Variants in ST7 observed in about 807,000 individuals in gnomAD.
The protein encoded by ST7 is suppression of tumorigenicity 7.
ST7 carries 28 observed loss-of-function variants against 78.7 expected under a neutral mutation model. The observed-to-expected ratio is 0.36, with a 90% CI of 0.26 to 0.49. The LOEUF is 0.49. ST7 is among the 20% of genes least tolerant of loss of function. The pLI is 0.99. For missense variants in ST7, 418 were observed against 696.0 expected, an observed-to-expected ratio of 0.60 and a Z score of 4.49; for synonymous variants, 247 against 249.6, an observed-to-expected ratio of 0.99 and a Z score of 0.10.
intron 9 of ST7, among the ~76,000 whole-genome samples, chr7:117,169,859 A>C: frequency 8.8e-6 from 1 of 114,280 alleles, no homozygotes; most frequent in Non-Finnish European, 1.7e-5. Context: ...GCTGTTTTTC[A>C]CTTTCACCCC....
At chr7:116,984,439 C>T (rs1341402457) in intron 1 of ST7, among the ~76,000 whole-genome samples, 1 of 152,160 alleles carries the variant, frequency 6.6e-6, no homozygotes, top group Non-Finnish European at 1.5e-5. Flanking sequence ...GCGCATCTCT[C>T]TTTTCCATGT....
At chr7:117,224,960 G>A (rs1343123542) in intron 15 of ST7, among the ~76,000 whole-genome samples, 1 of 152,168 alleles carries the variant, frequency 6.6e-6, no homozygotes, top group Non-Finnish European at 1.5e-5. Context: ...ACTGAGGCCT[G>A]TCCCCACAAC....
intron 15 of ST7, among the ~76,000 whole-genome samples, chr7:117,227,463 T>A (rs926104456): frequency 6.6e-6 from 1 of 152,356 alleles, no homozygotes; most frequent in East Asian, 1.9e-4. Context: ...CTTTAACTCC[T>A]CTTTATGAAG....
At chr7:117,085,055 A>G (rs1053197881) in intron 1 of ST7, among the ~76,000 whole-genome samples, 9 of 152,192 alleles carry the variant, frequency 5.9e-5, no homozygotes. Flanking sequence ...AAAGGAAAAT[A>G]AGAGGCAAAT....
intron 9 of ST7, among the ~76,000 whole-genome samples, chr7:117,164,802 G>A (rs189058157): frequency 1.5e-5 from 2 of 135,436 alleles, no homozygotes; most frequent in East Asian, 2.4e-4. Flanking sequence ...CATAATCCCA[G>A]CACTAACTTG....
At chr7:117,149,281 C>A (rs761683811) in intron 9 of ST7, among the ~76,000 whole-genome samples, 5 of 152,272 alleles carry the variant, frequency 3.3e-5, no homozygotes, top group Admixed American at 2.6e-4. Flanking sequence ...CCAGTAAAAT[C>A]ATTACTGCCT....
At chr7:117,001,745 G>A (rs1304202191) in intron 1 of ST7, among the ~76,000 whole-genome samples, 1 of 151,638 alleles carries the variant, frequency 6.6e-6, no homozygotes, top group Admixed American at 6.6e-5. Flanking sequence ...CATTACAGGG[G>A]GTATATTTAA....
chr7:117,004,800 A>G (rs1360267112), intron 1 of ST7, among the ~76,000 whole-genome samples: 1 of 152,226 alleles, frequency 6.6e-6, no homozygotes, highest in Non-Finnish European at 1.5e-5. Flanking sequence ...CTAAAAATAT[A>G]GGTTATAGCA....
At chr7:117,110,058 T>C (rs1386269184) in intron 2 of ST7, among the ~76,000 whole-genome samples, 1 of 152,202 alleles carries the variant, frequency 6.6e-6, no homozygotes, top group African/African-American at 2.4e-5. Context: ...GGGAAAATGC[T>C]TGGTAAATTC....
chr7:117,224,002 T>C (rs1793285546), intron 15 of ST7: 2 of 946,204 alleles, frequency 2.1e-6, no homozygotes, highest in South Asian at 9.8e-5. Context: ...AATCATAGCC[T>C]CTTAGAGTTG....
intron 1 of ST7, chr7:116,955,154 G>A (rs1395746304): frequency 4.3e-6 from 2 of 470,172 alleles, no homozygotes; most frequent in Non-Finnish European, 8.8e-6. Context: ...CTTTAGACAA[G>A]TATGTCTCCA....
At chr7:117,105,333 G>A (rs1338874318) in intron 2 of ST7, among the ~76,000 whole-genome samples, 2 of 152,236 alleles carry the variant, frequency 1.3e-5, no homozygotes, top group African/African-American at 4.8e-5. Flanking sequence ...GCAGGCTGCA[G>A]TGTACTGCAC....
At chr7:117,198,514 A>C in intron 12 of ST7, 1 of 303,654 alleles carries the variant, frequency 3.3e-6, no homozygotes, top group South Asian at 2.8e-5. Flanking sequence ...TATTGTCTTC[A>C]GGGATTCTGC....
At chr7:117,181,589 C>T (rs1048875966) in intron 10 of ST7, among the ~76,000 whole-genome samples, 7 of 152,068 alleles carry the variant, frequency 4.6e-5, no homozygotes, top group South Asian at 2.1e-4. Flanking sequence ...TGTATTAATA[C>T]GTTGCTGAGG....
rs982273694 is a variant in ST7, at chr7:117,123,054, A to G, written c.394+3334A>G. Among the ~76,000 whole-genome samples, 6 of 152,268 alleles carry G rather than the reference A, an allele frequency of 3.9e-5. No homozygotes were observed. In the East Asian group the frequency reaches 9.6e-4, roughly 24 times the overall value. On this transcript the variant is annotated intron_variant, in intron 3 of 15. Transcript: ENST00000323984. ...GCCTTAATAACAGAAGGGTGAATCT[A>G]TTGATTTTCTTGGAGCATCATAAGA...
intron 9 of ST7, among the ~76,000 whole-genome samples, chr7:117,149,674 G>GT (rs1312842008): frequency 1.4e-5 from 2 of 144,636 alleles, no homozygotes; most frequent in African/African-American, 5.3e-5. Context: ...GATAGCTGTG[G>GT]TTTTTTTGTT....
At chr7:117,102,517 C>T (rs1267403001) in intron 2 of ST7, among the ~76,000 whole-genome samples, 1 of 152,024 alleles carries the variant, frequency 6.6e-6, no homozygotes, top group East Asian at 1.9e-4. Context: ...TAGAAAACCA[C>T]AGAAAAAATT....
intron 2 of ST7, among the ~76,000 whole-genome samples, chr7:117,105,671 A>C (rs1387521082): frequency 6.6e-6 from 1 of 152,266 alleles, no homozygotes; most frequent in Non-Finnish European, 1.5e-5. Context: ...ATAGTTAACA[A>C]TCTGTTGTGT....
chr7:117,020,732 C>T, intron 1 of ST7: 2 of 1,487,162 alleles, frequency 1.3e-6, no homozygotes, highest in Non-Finnish European at 9.1e-7. Context: ...CATTAACAAC[C>T]TTTGTATTTT....
Sources: allele counts gnomAD v4.1 joint callset (sites outside exome capture counted in the v4.1 genomes callset), GRCh38; gene constraint gnomAD v4.1.1; transcripts MANE v1.5; gene names NCBI Gene and HGNC (gene_info 2026-07-23, HGNC 2026-07-21).